The following CLCN5 variants were observed in gnomAD, a reference collection of about 807,000 sequenced individuals.
CLCN5 encodes the protein Cl-/H+ antiporter 5, also known as H(+)/Cl(-) exchange transporter 5.
Under a neutral mutation model 54.0 loss-of-function variants are expected in CLCN5, and 17 were observed. The observed-to-expected ratio is 0.31, with a 90% CI of 0.22 to 0.47. The LOEUF (loss-of-function observed/expected upper bound fraction) is 0.47. CLCN5 is among the 20% of genes least tolerant of loss of function. The pLI, the probability that CLCN5 is intolerant of heterozygous loss-of-function variation, is 1.00. For synonymous variants in CLCN5, 222 were observed against 233.0 expected (o/e 0.95, Z 0.43); for missense variants, 448 against 646.7 (o/e 0.69, Z 3.33).
chrX:50,013,173 CTCTT>C (rs1404851681), intron 3 of CLCN5: 1 of 275,696 alleles, frequency 3.6e-6, no homozygotes, highest in East Asian at 1.0e-4. Context: ...TCCTCTCTCT[CTCTT>C]TCTCTCTTTC....
intron 4 of CLCN5, among the ~76,000 whole-genome samples, chrX:50,057,851 T>C (rs1932789521): frequency 9.1e-6 from 1 of 110,491 alleles, no homozygotes; most frequent in African/African-American, 3.3e-5. Flanking sequence ...TCCGCTGTAA[T>C]GTACTATCAG....
At position 50,086,343 on chromosome X, in the gene CLCN5, C is replaced by A. The variant is rs1933885883; in HGVS notation, c.1030C>A (p.Pro344Thr). 8.3e-7 allele frequency: 1 copy of A among 1,207,806 alleles called. No individual in the cohort carries two copies. The highest frequency in any genetic ancestry group is 1.7e-5 in the African/African-American group (1 of 57,176). The part of the protein sequence containing the change: ...FSLEEVSYYF[P>T]LKTLWRSFFA... The stretch of plus-strand genomic sequence containing the variant: ...TTTCTTCTAGGTCAGCTACTATTTT[C>A]CCCTCAAAACATTGTGGCGTTCATT... Residue 344 changes from proline to threonine, a missense_variant, in exon 11 of 15, where the codon CCC (proline) becomes ACC (threonine). By Grantham distance (38) the Pro-to-Thr change is conservative. Transcript: ENST00000376091.
chrX:50,060,921 T>C (rs1557189876), intron 4 of CLCN5, among the ~76,000 whole-genome samples: 3 of 84,962 alleles, frequency 3.5e-5, no homozygotes, highest in Admixed American at 1.3e-4. Flanking sequence ...CGGCAGGGTA[T>C]TCCAACAGAC....
At chrX:49,992,208 C>CT (rs200172433) in intron 3 of CLCN5, among the ~76,000 whole-genome samples, 1,611 of 84,064 alleles carry the variant, frequency 0.019, 41 homozygotes, top group African/African-American at 0.059. Context: ...CTCTTTTTTT[C>CT]TTTTTTTTTT....
chrX:50,081,402 T>C (rs1933694720), intron 8 of CLCN5, among the ~76,000 whole-genome samples: 1 of 110,888 alleles, frequency 9.0e-6, no homozygotes, highest in Non-Finnish European at 1.9e-5. Context: ...ATACTTACAA[T>C]ACATCCTTGC....
chrX:49,982,761 CT>C (rs1343382452), intron 3 of CLCN5, among the ~76,000 whole-genome samples: 2 of 111,512 alleles, frequency 1.8e-5, no homozygotes, highest in African/African-American at 6.5e-5. Context: ...TGTCTTTCTC[CT>C]TTGTTTCTGT....
chrX:50,019,480 T>C (rs1930972578), intron 3 of CLCN5, among the ~76,000 whole-genome samples: 1 of 94,702 alleles, frequency 1.1e-5, no homozygotes, highest in Non-Finnish European at 2.1e-5. Context: ...TTTTTTTTTT[T>C]TTTTTTTTTA....
At chrX:49,953,940 T>G (rs1557173585) in intron 3 of CLCN5, among the ~76,000 whole-genome samples, 1 of 112,020 alleles carries the variant, frequency 8.9e-6, no homozygotes, top group Non-Finnish European at 1.9e-5. Flanking sequence ...ATTCCTTTAG[T>G]TACGACGATG....
intron 4 of CLCN5, among the ~76,000 whole-genome samples, chrX:50,056,490 G>A (rs1254805660): frequency 1.8e-5 from 2 of 111,635 alleles, no homozygotes; most frequent in African/African-American, 6.5e-5. Flanking sequence ...CAGCAACTTT[G>A]TCAAATCTAG....
chrX:50,015,222 A>G (rs1981488474), intron 3 of CLCN5, among the ~76,000 whole-genome samples: 1 of 110,840 alleles, frequency 9.0e-6, no homozygotes. Flanking sequence ...AGACGGGCAC[A>G]AATGATGGGG....
chrX:50,015,986 T>G (rs1461424382), intron 3 of CLCN5, among the ~76,000 whole-genome samples: 1 of 111,632 alleles, frequency 9.0e-6, no homozygotes, highest in Non-Finnish European at 1.9e-5. Flanking sequence ...TATGTGCTCC[T>G]TATCTTTTGT....
chrX:50,072,698 A>G, intron 6 of CLCN5, 110 bp downstream of exon 6: 1 of 587,437 alleles, frequency 1.7e-6, no homozygotes, highest in South Asian at 2.4e-5. Context: ...TCTACCTTAA[A>G]TGAATTGCTG....
At chrX:50,008,609 G>A in intron 3 of CLCN5, 1 of 291,292 alleles carries the variant, frequency 3.4e-6, no homozygotes, top group East Asian at 9.2e-5. Context: ...ATACTAAGTT[G>A]AGTAATGAGC....
Position 50,093,774 on chromosome X carries a change from C to T in CLCN5, c.*1555C>T, listed in dbSNP as rs1260433634. ...TTCCTACTACAAAAAAAAATAACTC[C>T]CAGGGCTAGTTAAATTGTAAACCAA... is the stretch of plus-strand genomic sequence containing the variant. On this transcript the variant is annotated 3_prime_UTR_variant, in exon 15 of 15. Coordinates refer to ENST00000376091, the MANE Select transcript of CLCN5 (RefSeq NM_001127898.4). The T allele has an allele frequency of 1.8e-5, 2 of 111,737 alleles. No homozygotes were observed. The highest frequency in any genetic ancestry group is 6.5e-5 in the African/African-American group (2 of 30,728). The allele number at this position is 111,737 out of a possible 1,213,427, so 9.2% of individuals were successfully genotyped here.
chrX:50,042,566 T>C (rs1319602543), intron 4 of CLCN5, 104 bp downstream of exon 4: 2 of 509,876 alleles, frequency 3.9e-6, no homozygotes, highest in Non-Finnish European at 5.7e-6. Context: ...GTCCTGTGAG[T>C]TTTTAACAAA....
intron 4 of CLCN5, among the ~76,000 whole-genome samples, chrX:50,042,734 A>G (rs192672847): frequency 9.0e-6 from 1 of 110,847 alleles, no homozygotes; most frequent in African/African-American, 3.3e-5. Flanking sequence ...TTTTCTTTTC[A>G]ATGATGTCAT....
At position 50,017,722 on chromosome X, in the gene CLCN5, C is replaced by T. The variant is rs148318299; in HGVS notation, c.17-24594C>T. On this transcript the variant is annotated intron_variant, in intron 3 of 14. Transcript: ENST00000376091. Reference sequence around the variant, plus strand: ...ATGTTCATGTCCAGTTGTTTCAGTACCATTTATTGAAAAGAATATATTTGT... The same window carrying T: ...ATGTTCATGTCCAGTTGTTTCAGTATCATTTATTGAAAAGAATATATTTGT... Among the ~76,000 whole-genome samples, 215 of 110,333 alleles carry T rather than the reference C, an allele frequency of 1.9e-3. 1 individual carries two copies. Among genetic ancestry groups the T allele is most frequent in the African/African-American group, 6.8e-3 (207 of 30,467 alleles).
chrX:50,029,518 T>C (rs1931586383), intron 3 of CLCN5, among the ~76,000 whole-genome samples: 1 of 111,450 alleles, frequency 9.0e-6, no homozygotes, highest in Admixed American at 9.6e-5. Flanking sequence ...TTCCATGGTG[T>C]ATATGTGCCA....
chrX:50,069,676 G>T, intron 4 of CLCN5: 1 of 1,003,979 alleles, frequency 1.0e-6, no homozygotes, highest in East Asian at 3.9e-5. Context: ...CATTCACACT[G>T]CCTTTAGCCA....
Sources: allele counts gnomAD v4.1 joint callset (sites outside exome capture counted in the v4.1 genomes callset), GRCh38; gene constraint gnomAD v4.1.1; transcripts MANE v1.5; gene names NCBI Gene and HGNC (gene_info 2026-07-23, HGNC 2026-07-21).